Variants in IL1RAPL2 observed in about 807,000 individuals in gnomAD.
IL1RAPL2 encodes the protein interleukin 1 receptor accessory protein like 2, also known as X-linked interleukin-1 receptor accessory protein-like 2.
Under a neutral mutation model 44.1 loss-of-function variants are expected in IL1RAPL2, and 3 were observed. The observed-to-expected ratio is 0.07, with a 90% CI of 0.03 to 0.18. The LOEUF is 0.18. Among genes scored for constraint, IL1RAPL2 ranks in the 10% least tolerant of loss-of-function variants. The pLI, the probability that IL1RAPL2 is intolerant of heterozygous loss-of-function variation, is 1.00. For missense variants in IL1RAPL2, 391 were observed against 496.4 expected (o/e 0.79, Z 2.02); for synonymous variants, 181 against 178.8 (o/e 1.01, Z -0.10).
chrX:105,278,202 G>A (rs1915062515), intron 5 of IL1RAPL2, among the ~76,000 whole-genome samples: 2 of 111,746 alleles, frequency 1.8e-5, no homozygotes, highest in African/African-American at 6.5e-5. Context: ...GATAGCTGGG[G>A]TTGAACAAGT....
At chrX:104,888,917 A>AG (rs1923338271) in intron 2 of IL1RAPL2, among the ~76,000 whole-genome samples, 2 of 111,627 alleles carry the variant, frequency 1.8e-5, no homozygotes, top group African/African-American at 6.5e-5. Context: ...AAGCAATGAA[A>AG]AGCCCATACA....
chrX:104,943,592 A>G (rs1266912880), intron 2 of IL1RAPL2, among the ~76,000 whole-genome samples: 1 of 110,948 alleles, frequency 9.0e-6, no homozygotes, highest in Non-Finnish European at 1.9e-5. Flanking sequence ...TGGAATGTTC[A>G]TCCCCTGATA....
chrX:105,321,802 G>T (rs1221864157), intron 5 of IL1RAPL2, among the ~76,000 whole-genome samples: 1 of 112,519 alleles, frequency 8.9e-6, no homozygotes, highest in African/African-American at 3.2e-5. Context: ...TTTGTGTTTG[G>T]ATTTTTTATG....
At chrX:104,603,746 G>C (rs1362131672) in intron 1 of IL1RAPL2, among the ~76,000 whole-genome samples, 14 of 111,245 alleles carry the variant, frequency 1.3e-4, no homozygotes, top group African/African-American at 3.9e-4. Context: ...GAAAAGACAA[G>C]GTTAGAGAAA....
chrX:104,926,563 T>C (rs941973884), intron 2 of IL1RAPL2, among the ~76,000 whole-genome samples: 16 of 111,914 alleles, frequency 1.4e-4, no homozygotes, highest in African/African-American at 5.2e-4. Flanking sequence ...GGAGGCATTA[T>C]AATTTGATTC....
intron 6 of IL1RAPL2, among the ~76,000 whole-genome samples, chrX:105,686,453 A>G (rs2037977355): frequency 9.2e-6 from 1 of 109,066 alleles, no homozygotes; most frequent in Non-Finnish European, 1.9e-5. Flanking sequence ...TTAAACCAAC[A>G]AAGATCAAAA....
chrX:105,185,734 G>A (rs1307350292), intron 2 of IL1RAPL2, among the ~76,000 whole-genome samples: 2 of 112,046 alleles, frequency 1.8e-5, no homozygotes, highest in Admixed American at 9.5e-5. Context: ...GATTTTATTC[G>A]CTTCACAATT....
At chrX:104,857,250 T>C (rs756041401) in intron 2 of IL1RAPL2, among the ~76,000 whole-genome samples, 9 of 111,716 alleles carry the variant, frequency 8.1e-5, no homozygotes, top group Non-Finnish European at 1.7e-4. Flanking sequence ...AGGTTGAGGC[T>C]TATAGGTTTA....
At chrX:104,689,766 GCAGT>G (rs1475651593) in intron 2 of IL1RAPL2, among the ~76,000 whole-genome samples, 1 of 111,911 alleles carries the variant, frequency 8.9e-6, no homozygotes, top group Non-Finnish European at 1.9e-5. Flanking sequence ...GGGAAATTAA[GCAGT>G]CAGTTTCTAA....
At position 104,677,892 on chromosome X, in the gene IL1RAPL2, G is replaced by A. The variant is rs188507328; in HGVS notation, c.82+18897G>A. On this transcript the variant is annotated intron_variant, in intron 2 of 10. Transcript: ENST00000372582. Reference sequence around the variant, plus strand: ...CCTCCGTCACCCCTTTCTTTGACTCGGAAAGGGAACTCCCTGACCCCTTGC... The same window carrying A: ...CCTCCGTCACCCCTTTCTTTGACTCAGAAAGGGAACTCCCTGACCCCTTGC... Among the ~76,000 whole-genome samples, 96 of 112,278 alleles carry A rather than the reference G, an allele frequency of 8.6e-4. 2 individuals carry two copies. The East Asian group carries it at 0.016, about 18-fold the overall frequency.
intron 2 of IL1RAPL2, among the ~76,000 whole-genome samples, chrX:104,760,002 A>G (rs946469738): frequency 9.0e-5 from 10 of 111,617 alleles, no homozygotes; most frequent in Non-Finnish European, 1.9e-5. Flanking sequence ...CATGAGGACA[A>G]TGGTTTTGAT....
chrX:104,735,385 T>C (rs1931994376), intron 2 of IL1RAPL2, among the ~76,000 whole-genome samples: 1 of 111,192 alleles, frequency 9.0e-6, no homozygotes, highest in South Asian at 3.8e-4. Flanking sequence ...CTGTTCCTGA[T>C]GAACCTACCT....
At chrX:105,670,147 ATC>A (rs1556379324) in intron 6 of IL1RAPL2, among the ~76,000 whole-genome samples, 2 of 37,523 alleles carry the variant, frequency 5.3e-5, no homozygotes, top group Non-Finnish European at 1.2e-4. Context: ...ATATATATAT[ATC>A]TCCACCAGAC....
intron 6 of IL1RAPL2, among the ~76,000 whole-genome samples, chrX:105,591,734 A>G (rs762659767): frequency 9.3e-4 from 104 of 111,734 alleles, no homozygotes; most frequent in African/African-American, 3.3e-3. Flanking sequence ...ATTTTGAGCA[A>G]TCTTCTTTGT....
chrX:104,719,571 C>T (rs1931638864), intron 2 of IL1RAPL2, among the ~76,000 whole-genome samples: 1 of 111,499 alleles, frequency 9.0e-6, no homozygotes, highest in South Asian at 3.7e-4. Flanking sequence ...TGTCTCATAC[C>T]AATCTGGGTA....
At chrX:105,075,558 A>C (rs5926031) in intron 2 of IL1RAPL2, among the ~76,000 whole-genome samples, 2 of 112,012 alleles carry the variant, frequency 1.8e-5, no homozygotes, top group Non-Finnish European at 3.8e-5. Context: ...TGGCCTCATA[A>C]AATGAGTTAG....
intron 2 of IL1RAPL2, among the ~76,000 whole-genome samples, chrX:104,708,629 G>T (rs1425337871): frequency 9.0e-6 from 1 of 111,256 alleles, no homozygotes. Context: ...ACTAGATATT[G>T]CATCAATTTG....
intron 7 of IL1RAPL2, among the ~76,000 whole-genome samples, chrX:105,729,728 T>TC (rs2038384453): frequency 9.1e-6 from 1 of 110,423 alleles, no homozygotes; most frequent in Non-Finnish European, 1.9e-5. Flanking sequence ...ATTGTTTTTT[T>TC]CATGGACTAC....
intron 7 of IL1RAPL2, among the ~76,000 whole-genome samples, chrX:105,727,127 C>T (rs1208146812): frequency 1.8e-5 from 2 of 111,459 alleles, no homozygotes; most frequent in Non-Finnish European, 3.8e-5. Context: ...GACCCAGAAA[C>T]TCTGCAAGAC....
Sources: allele counts gnomAD v4.1 joint callset (sites outside exome capture counted in the v4.1 genomes callset), GRCh38; gene constraint gnomAD v4.1.1; transcripts MANE v1.5; gene names NCBI Gene and HGNC (gene_info 2026-07-23, HGNC 2026-07-21).